Variants in SLCO2A1 observed in about 807,000 individuals in gnomAD.
SLCO2A1 encodes solute carrier organic anion transporter family member 2A1, also known as matrin F/G 1.
SLCO2A1 carries 60 observed loss-of-function variants against 71.7 expected under a neutral mutation model. The observed-to-expected ratio is 0.84, with a 90% CI of 0.68 to 1.04. SLCO2A1 has a LOEUF of 1.04. Ranked by LOEUF, SLCO2A1 falls within the 50% of genes least tolerant of loss-of-function variation. The pLI is 0.00. For missense variants in SLCO2A1, 745 were observed against 813.4 expected (o/e 0.92, Z 1.02); for synonymous variants, 308 against 326.7 (o/e 0.94, Z 0.62).
rs571195840 is a variant in SLCO2A1 at position 133,948,186 on chromosome 3, C to T, written c.1105+350G>A. Among the ~76,000 whole-genome samples the T allele has an allele frequency of 1.3e-4, 20 of 152,282 alleles. No individual in the cohort carries two copies. In the East Asian group the frequency reaches 3.1e-3, roughly 24 times the overall value. On this transcript the variant is annotated intron_variant, in intron 8 of 13. Coordinates refer to ENST00000310926, the MANE Select transcript of SLCO2A1 (RefSeq NM_005630.3). ...GTCCCTAGGGAAGAAGAGAAAATCC[C>T]GGAGGCATTTTGTCTAACCTCAAAT... is the stretch of plus-strand genomic sequence containing the variant.
At chr3:133,984,884 G>A (rs570012298) in intron 1 of SLCO2A1, among the ~76,000 whole-genome samples, 173 of 152,288 alleles carry the variant, frequency 1.1e-3, no homozygotes, top group Non-Finnish European at 1.7e-3. Context: ...TACCAACTGG[G>A]TCTCCTTGAG....
chr3:134,000,681 G>C (rs1194366113), intron 1 of SLCO2A1, among the ~76,000 whole-genome samples: 1 of 152,280 alleles, frequency 6.6e-6, no homozygotes, highest in Middle Eastern at 3.4e-3. Context: ...CCCTTCTGGT[G>C]CACATGGAAT....
intron 1 of SLCO2A1, among the ~76,000 whole-genome samples, chr3:134,028,763 G>C (rs1305041539): frequency 2.0e-5 from 3 of 152,240 alleles, no homozygotes; most frequent in African/African-American, 7.2e-5. Context: ...AGTCTCTGCA[G>C]TCTCCCACAT....
rs900890976 is a variant in SLCO2A1 at position 134,029,820 on chromosome 3, C to A, written c.-18G>T. On this transcript the variant is annotated 5_prime_UTR_variant, in exon 1 of 14. Coordinates refer to ENST00000310926, the MANE Select transcript of SLCO2A1 (RefSeq NM_005630.3). ...AGCCCCATGGCTGCGGGCGGCTGGCCGGGCGCGGAGTGGCGCGGGGTCGGG... is the reference window on the plus strand; with the variant it reads ...AGCCCCATGGCTGCGGGCGGCTGGCAGGGCGCGGAGTGGCGCGGGGTCGGG... The A allele has an allele frequency of 4.3e-6, 6 of 1,397,166 alleles. No individual in the cohort carries two copies. The highest frequency in any genetic ancestry group is 4.6e-6 in the Non-Finnish European group (5 of 1,078,112). 86.5% of individuals were successfully genotyped at this position (1,397,166 alleles called of 1,614,324 possible). A position where few individuals can be genotyped will look rare whatever the true frequency, so the allele number is the denominator to read the frequency against.
intron 1 of SLCO2A1, among the ~76,000 whole-genome samples, chr3:134,013,473 G>A (rs1382602277): frequency 6.6e-6 from 1 of 152,136 alleles, no homozygotes; most frequent in Non-Finnish European, 1.5e-5. Flanking sequence ...GCCTCATTGT[G>A]CTCTCTAGCT....
At chr3:133,980,380 GAGTTCCAT>G (rs1446751862) in intron 1 of SLCO2A1, among the ~76,000 whole-genome samples, 2 of 152,220 alleles carry the variant, frequency 1.3e-5, no homozygotes, top group Non-Finnish European at 2.9e-5. Context: ...GAGTAAATGT[GAGTTCCAT>G]GGTGGATGGG....
chr3:133,980,617 A>G (rs1003787269), intron 1 of SLCO2A1, among the ~76,000 whole-genome samples: 2 of 152,242 alleles, frequency 1.3e-5, no homozygotes, highest in Admixed American at 1.3e-4. Context: ...ACAGTCTTCC[A>G]AAGCTCTTTC....
intron 1 of SLCO2A1, among the ~76,000 whole-genome samples, chr3:134,023,744 A>G (rs573046655): frequency 3.9e-5 from 6 of 152,372 alleles, no homozygotes; most frequent in Admixed American, 3.9e-4. Flanking sequence ...AAATGGATCA[A>G]ATATTCCATC....
chr3:134,028,023 C>G (rs1935733834), intron 1 of SLCO2A1, among the ~76,000 whole-genome samples: 1 of 152,192 alleles, frequency 6.6e-6, no homozygotes, highest in Non-Finnish European at 1.5e-5. Context: ...GAGCCCAGCC[C>G]TCAGGTACGT....
chr3:134,010,482 G>C (rs9833157), intron 1 of SLCO2A1, among the ~76,000 whole-genome samples: 1 of 151,678 alleles, frequency 6.6e-6, no homozygotes, highest in Non-Finnish European at 1.5e-5. Context: ...GGCCGGGCGC[G>C]GTGGCTCACG....
intron 5 of SLCO2A1, among the ~76,000 whole-genome samples, chr3:133,952,766 A>C (rs773685148): frequency 6.6e-6 from 1 of 152,186 alleles, no homozygotes; most frequent in Non-Finnish European, 1.5e-5. Context: ...ACTTTATTTT[A>C]CTATCATTAG....
chr3:133,962,712 T>C (rs1242913427), intron 3 of SLCO2A1, among the ~76,000 whole-genome samples: 4 of 152,192 alleles, frequency 2.6e-5, no homozygotes, highest in African/African-American at 9.7e-5. Flanking sequence ...GCAAGCACTC[T>C]AGTAAAGGCT....
At chr3:133,947,091 G>A (rs188582728) in intron 9 of SLCO2A1, among the ~76,000 whole-genome samples, 165 bp downstream of exon 9, 4 of 151,348 alleles carry the variant, frequency 2.6e-5, no homozygotes, top group East Asian at 1.9e-4. Flanking sequence ...CCAAGATCAC[G>A]CCACTGCACT....
intron 2 of SLCO2A1, among the ~76,000 whole-genome samples, chr3:133,975,768 C>T (rs1240471658): frequency 6.6e-6 from 1 of 152,188 alleles, no homozygotes; most frequent in African/African-American, 2.4e-5. Flanking sequence ...GTCCTCAGGA[C>T]TCCATTCTTA....
rs554968978 is a variant in SLCO2A1 at position 133,938,023 on chromosome 3, G to A, written c.1690+406C>T. Among the ~76,000 whole-genome samples the A allele has an allele frequency of 2.6e-5, 4 of 152,350 alleles. No homozygotes were observed. The South Asian group carries it at 8.3e-4, about 32-fold the overall frequency. Reference sequence around the variant, plus strand: ...ACAGGGAAGAAACTTTTGCTAAATAGTTTTAGGAGGAGTGAATTTTGTAAA... The same window carrying A: ...ACAGGGAAGAAACTTTTGCTAAATAATTTTAGGAGGAGTGAATTTTGTAAA... On this transcript the variant is annotated intron_variant, in intron 12 of 13. Coordinates refer to ENST00000310926, the MANE Select transcript of SLCO2A1 (RefSeq NM_005630.3).
At chr3:134,023,148 AC>A (rs745779327) in intron 1 of SLCO2A1, among the ~76,000 whole-genome samples, 79,851 of 151,446 alleles carry the variant, frequency 0.53, 22,238 homozygotes, top group South Asian at 0.68. Context: ...AAACAAACAA[AC>A]AAACAAAAGA....
rs1384991749 is a variant in SLCO2A1, at chr3:133,948,660, G to C, written c.981C>G (p.Leu327=). ...CIFLRLLMNS[L]FVLVVLAQCT... ...ACTGGGCCAGGACCACCAGGACGAA[G>C]AGTGAGTTCATCAGGAGCCTCAGAA... Residue 327 remains leucine (L), a synonymous_variant, in exon 8 of 14, where the codon CTC becomes CTG. Transcript: ENST00000310926. 1.2e-6 allele frequency: 2 copies of C among 1,614,172 alleles called. No homozygotes were observed. Among genetic ancestry groups the C allele is most frequent in the African/African-American group, 1.3e-5 (1 of 75,054 alleles).
intron 13 of SLCO2A1, among the ~76,000 whole-genome samples, chr3:133,935,265 G>A (rs1933239779): frequency 6.6e-6 from 1 of 152,176 alleles, no homozygotes; most frequent in African/African-American, 2.4e-5. Flanking sequence ...TGGTTTCTGG[G>A]CCATATGACA....
At chr3:133,998,316 C>T (rs908720698) in intron 1 of SLCO2A1, among the ~76,000 whole-genome samples, 3 of 152,144 alleles carry the variant, frequency 2.0e-5, no homozygotes, top group African/African-American at 7.2e-5. Flanking sequence ...TCACTATTTC[C>T]TTAATTCGTC....
Sources: allele counts gnomAD v4.1 joint callset (sites outside exome capture counted in the v4.1 genomes callset), GRCh38; gene constraint gnomAD v4.1.1; transcripts MANE v1.5; gene names NCBI Gene and HGNC (gene_info 2026-07-23, HGNC 2026-07-21).